SLC25A21: variants seen among roughly 807,000 people sequenced by gnomAD.
SLC25A21 encodes solute carrier family 25 member 21, also known as mitochondrial 2-oxodicarboxylate carrier.
SLC25A21 carries 47 observed loss-of-function variants against 43.8 expected under a neutral mutation model. That is an observed-to-expected ratio of 1.07 (90% CI 0.85 to 1.37). The LOEUF is 1.37. Among genes scored for constraint, SLC25A21 ranks in the 40% most tolerant of loss-of-function variants. The pLI is 0.00. For missense variants in SLC25A21, 352 were observed against 350.2 expected (o/e 1.00, Z -0.04); for synonymous variants, 131 against 121.3 (o/e 1.08, Z -0.52).
At chr14:36,920,934 C>T (rs191817754) in intron 1 of SLC25A21, among the ~76,000 whole-genome samples, 1 of 152,120 alleles carries the variant, frequency 6.6e-6, no homozygotes, top group South Asian at 2.1e-4. Flanking sequence ...AGTTAATTCA[C>T]TCATCATTTA....
intron 3 of SLC25A21, among the ~76,000 whole-genome samples, chr14:36,753,008 C>T (rs1053575379): frequency 6.6e-6 from 1 of 152,076 alleles, no homozygotes; most frequent in Non-Finnish European, 1.5e-5. Context: ...ATGTATGATG[C>T]CATTTCTATG....
chr14:36,706,070 G>T (rs1459695868), intron 7 of SLC25A21, among the ~76,000 whole-genome samples: 3 of 152,004 alleles, frequency 2.0e-5, no homozygotes, highest in Non-Finnish European at 4.4e-5. Context: ...TTAGATTACA[G>T]AACACATAAA....
At chr14:36,720,090 C>A (rs1884315674) in intron 6 of SLC25A21, among the ~76,000 whole-genome samples, 1 of 152,176 alleles carries the variant, frequency 6.6e-6, no homozygotes, top group African/African-American at 2.4e-5. Flanking sequence ...CCCCACATGG[C>A]CAAAGGGACA....
intron 7 of SLC25A21, among the ~76,000 whole-genome samples, chr14:36,701,426 T>C (rs1232476198): frequency 6.6e-6 from 1 of 152,210 alleles, no homozygotes; most frequent in Admixed American, 6.5e-5. Flanking sequence ...GGCTTTGGAA[T>C]GAAATCAAAG....
At chr14:36,738,632 C>T (rs1044096936) in intron 3 of SLC25A21, among the ~76,000 whole-genome samples, 11 of 152,182 alleles carry the variant, frequency 7.2e-5, no homozygotes, top group Non-Finnish European at 1.3e-4. Context: ...ATCAAGCCAA[C>T]TAGAAGAAAG....
At chr14:36,830,020 T>C (rs1050904622) in intron 2 of SLC25A21, among the ~76,000 whole-genome samples, 11 of 152,274 alleles carry the variant, frequency 7.2e-5, no homozygotes, top group African/African-American at 2.4e-4. Context: ...TGAATATTTC[T>C]AGTAAAACAC....
intron 1 of SLC25A21, among the ~76,000 whole-genome samples, chr14:37,164,872 C>T (rs1381737403): frequency 1.3e-5 from 2 of 152,120 alleles, no homozygotes; most frequent in Non-Finnish European, 2.9e-5. Flanking sequence ...TTCCCTCCCT[C>T]AAAAAAGTCT....
At chr14:36,856,704 C>T (rs917719641) in intron 2 of SLC25A21, among the ~76,000 whole-genome samples, 5 of 152,132 alleles carry the variant, frequency 3.3e-5, no homozygotes, top group Non-Finnish European at 5.9e-5. Flanking sequence ...GAGGCCGGCA[C>T]GCAAGGGCTA....
intron 7 of SLC25A21, among the ~76,000 whole-genome samples, chr14:36,707,931 C>T (rs937177619): frequency 6.6e-6 from 1 of 151,908 alleles, no homozygotes; most frequent in African/African-American, 2.4e-5. Context: ...TCAAGACTAG[C>T]CTGGGCAACA....
chr14:36,704,398 C>T (rs1446841082), intron 7 of SLC25A21, among the ~76,000 whole-genome samples: 1 of 152,102 alleles, frequency 6.6e-6, no homozygotes, highest in Non-Finnish European at 1.5e-5. Flanking sequence ...GTGGCTAACG[C>T]CTGTAATCCC....
In SLC25A21 at chr14:36,684,933, A is replaced by G; in HGVS notation, c.604-8T>C. 6.2e-7 allele frequency: 1 copy of G among 1,606,298 alleles called. No homozygotes were observed. Among genetic ancestry groups the G allele is most frequent in the African/African-American group, 1.3e-5 (1 of 74,096 alleles). On this transcript the variant is annotated splice_region_variant and splice_polypyrimidine_tract_variant and intron_variant, in intron 7 of 9. Coordinates refer to ENST00000331299, the MANE Select transcript of SLC25A21 (RefSeq NM_030631.4). ...AAACTCCAAGATTGGATCCTAAAAG[A>G]AAAGAAGAATAATATAACAGAAAGG...
intron 1 of SLC25A21, among the ~76,000 whole-genome samples, chr14:37,050,863 TAAC>T (rs1961687866): frequency 6.6e-6 from 1 of 152,214 alleles, no homozygotes. Context: ...TCAGTTTTCC[TAAC>T]AACAACAAAA....
intron 9 of SLC25A21, among the ~76,000 whole-genome samples, chr14:36,683,381 T>C (rs1348037351): frequency 1.3e-5 from 2 of 152,208 alleles, no homozygotes; most frequent in Admixed American, 6.5e-5. Context: ...ATGAGTGGCT[T>C]TGCTGTTCAT....
intron 1 of SLC25A21, among the ~76,000 whole-genome samples, chr14:37,163,675 G>C (rs1406423758): frequency 6.6e-6 from 1 of 152,130 alleles, no homozygotes; most frequent in Non-Finnish European, 1.5e-5. Context: ...ATACCACCAG[G>C]GAAGGGTGAG....
intron 1 of SLC25A21, among the ~76,000 whole-genome samples, chr14:36,937,504 T>G (rs1349757338): frequency 6.6e-6 from 1 of 152,190 alleles, no homozygotes; most frequent in Non-Finnish European, 1.5e-5. Flanking sequence ...TGTGTACATT[T>G]AAAAGGGTAG....
intron 1 of SLC25A21, among the ~76,000 whole-genome samples, chr14:37,045,297 G>A (rs553437673): frequency 1.5e-3 from 223 of 152,264 alleles, no homozygotes; most frequent in African/African-American, 5.2e-3. Context: ...CTACAATTAC[G>A]AAGGAGAGAT....
In SLC25A21 at chr14:37,109,656, T is replaced by C. The variant is rs1962982886; in HGVS notation, c.70+62625A>G. Among the ~76,000 whole-genome samples the C allele has an allele frequency of 2.0e-5, 3 of 152,214 alleles. No homozygotes were observed. In the South Asian group the frequency reaches 6.2e-4, roughly 31 times the overall value. ...GAGACCTATGTGCTAGCTTTAGCTC[T>C]ACTTCTAATTAACTGCCCATGCACA... On this transcript the variant is annotated intron_variant, in intron 1 of 9. Transcript: ENST00000331299.
intron 1 of SLC25A21, among the ~76,000 whole-genome samples, chr14:37,116,232 C>G (rs1267762632): frequency 6.6e-6 from 1 of 152,152 alleles, no homozygotes; most frequent in Non-Finnish European, 1.5e-5. Flanking sequence ...GTACAATACC[C>G]TCTCTCAAGA....
intron 1 of SLC25A21, among the ~76,000 whole-genome samples, chr14:37,160,767 T>C (rs1288941559): frequency 1.3e-5 from 2 of 151,792 alleles, no homozygotes; most frequent in East Asian, 3.9e-4. Flanking sequence ...CTGTCTCTAC[T>C]AAAAATACAG....
Sources: allele counts gnomAD v4.1 joint callset (sites outside exome capture counted in the v4.1 genomes callset), GRCh38; gene constraint gnomAD v4.1.1; transcripts MANE v1.5; gene names NCBI Gene and HGNC (gene_info 2026-07-23, HGNC 2026-07-21).